TMCC1: variants seen among roughly 807,000 people sequenced by gnomAD.
TMCC1 encodes transmembrane and coiled-coil domain family 1, also known as transmembrane and coiled-coil domains protein 1.
Under a neutral mutation model 52.4 loss-of-function variants are expected in TMCC1, and 15 were observed. The observed-to-expected ratio is 0.29, with a 90% confidence interval of 0.19 to 0.44. TMCC1 has a LOEUF of 0.44. Ranked by LOEUF, TMCC1 falls within the 20% of genes least tolerant of loss-of-function variation. The pLI, the probability that TMCC1 is intolerant of heterozygous loss-of-function variation, is 1.00. For missense variants in TMCC1, 503 were observed against 806.0 expected (o/e 0.62, Z 4.55); for synonymous variants, 279 against 301.9 (o/e 0.92, Z 0.79).
intron 4 of TMCC1, among the ~76,000 whole-genome samples, chr3:129,692,857 A>T (rs557397934): frequency 1.0e-3 from 157 of 152,220 alleles, no homozygotes; most frequent in African/African-American, 3.4e-3. Context: ...TTATTTATTT[A>T]TTTAAGATGG....
At chr3:129,847,299 CAG>C (rs2059710119) in intron 2 of TMCC1, 1 of 152,102 alleles carries the variant, frequency 6.6e-6, no homozygotes, top group Non-Finnish European at 1.5e-5. Context: ...GATAATAATT[CAG>C]AGATTTGTTT....
At chr3:129,817,885 T>C (rs2058183457) in intron 4 of TMCC1, among the ~76,000 whole-genome samples, 1 of 152,124 alleles carries the variant, frequency 6.6e-6, no homozygotes, top group Non-Finnish European at 1.5e-5. Flanking sequence ...CGATCTCAGC[T>C]CACTGCAACC....
intron 2 of TMCC1, among the ~76,000 whole-genome samples, chr3:129,842,225 G>C (rs1467985824): frequency 6.6e-6 from 1 of 152,148 alleles, no homozygotes; most frequent in Admixed American, 6.5e-5. Context: ...CAGCACTTTA[G>C]GAGGCTGGGG....
At chr3:129,842,477 A>ACACACACACACACAC (rs1560529071) in intron 2 of TMCC1, among the ~76,000 whole-genome samples, 3 of 147,746 alleles carry the variant, frequency 2.0e-5, no homozygotes, top group African/African-American at 7.4e-5. Flanking sequence ...AAAAAAACAA[A>ACACACACACACACAC]ACACACACAC....
intron 4 of TMCC1, among the ~76,000 whole-genome samples, chr3:129,821,240 G>A (rs2058404828): frequency 6.6e-6 from 1 of 151,660 alleles, no homozygotes; most frequent in African/African-American, 2.4e-5. Context: ...ATGTAGATGT[G>A]TACATGTGCA....
chr3:129,744,367 G>T (rs2051735927), intron 4 of TMCC1, among the ~76,000 whole-genome samples: 1 of 152,052 alleles, frequency 6.6e-6, no homozygotes, highest in Non-Finnish European at 1.5e-5. Flanking sequence ...TGCCCAGGCT[G>T]GTCTTGAACT....
chr3:129,676,246 G>C (rs943174899), intron 4 of TMCC1, among the ~76,000 whole-genome samples: 36 of 151,920 alleles, frequency 2.4e-4, no homozygotes, highest in African/African-American at 8.5e-4. Context: ...AGCAAATACT[G>C]CCCATTCACA....
chr3:129,667,798 A>G (rs2087587518), intron 5 of TMCC1, among the ~76,000 whole-genome samples: 1 of 152,182 alleles, frequency 6.6e-6, no homozygotes, highest in African/African-American at 2.4e-5. Context: ...ATTTTCTCAT[A>G]TCTTGACTTT....
At position 129,651,297 on chromosome 3, in the gene TMCC1, G is replaced by T; in HGVS notation, c.*184C>A. 2.9e-6 allele frequency: 2 copies of T among 693,922 alleles called. No individual in the cohort carries two copies. Among genetic ancestry groups the T allele is most frequent in the Non-Finnish European group, 4.5e-6 (2 of 442,488 alleles). 43.0% of individuals were successfully genotyped at this position (693,922 alleles called of 1,614,324 possible). A position where few individuals can be genotyped will look rare whatever the true frequency, so the allele number is the denominator to read the frequency against. ...AAGATTTTCGCCCAAAAAACTTCTT[G>T]GATAAAATCTAAAAAATACTATTGC... is the stretch of plus-strand genomic sequence containing the variant. On this transcript the variant is annotated 3_prime_UTR_variant, in exon 7 of 7. Transcript: ENST00000393238. The surrounding 1 kb of genome is among the most constrained non-coding windows in gnomAD (Gnocchi z 5.1).
intron 2 of TMCC1, among the ~76,000 whole-genome samples, chr3:129,842,035 A>G (rs905917875): frequency 2.6e-5 from 4 of 152,238 alleles, no homozygotes; most frequent in Admixed American, 6.5e-5. Flanking sequence ...AGACATAACA[A>G]TTCTAAATGT....
chr3:129,670,311 T>G lies in TMCC1; in HGVS notation c.1511+19A>C. On this transcript the variant is annotated intron_variant, in intron 5 of 6. Coordinates refer to ENST00000393238, the MANE Select transcript of TMCC1 (RefSeq NM_001017395.5). ...AACCCTACACAAATAATTTCAGATA[T>G]TAATTCCATGTGACTTACCTATATC... 6.2e-7 allele frequency: 1 copy of G among 1,600,452 alleles called. No homozygotes were observed. Among genetic ancestry groups the G allele is most frequent in the Non-Finnish European group, 8.5e-7 (1 of 1,173,146 alleles).
chr3:129,822,604 C>T (rs1162937073), intron 4 of TMCC1, among the ~76,000 whole-genome samples: 4 of 152,128 alleles, frequency 2.6e-5, no homozygotes, highest in African/African-American at 9.7e-5. Flanking sequence ...CTTGAAAGAA[C>T]TGGTGTTCTT....
chr3:129,833,293 C>T (rs2059004740), intron 2 of TMCC1, among the ~76,000 whole-genome samples: 1 of 152,110 alleles, frequency 6.6e-6, no homozygotes, highest in African/African-American at 2.4e-5. Context: ...AAAATCCTAT[C>T]TTAGGCCAGG....
intron 4 of TMCC1, among the ~76,000 whole-genome samples, chr3:129,720,159 G>A (rs888941190): frequency 1.4e-5 from 2 of 140,994 alleles, no homozygotes; most frequent in Non-Finnish European, 3.0e-5. Context: ...TCTAGCCTGG[G>A]CAACAGAGTA....
Position 129,824,733 on chromosome 3 carries a change from C to T in TMCC1, c.576+3070G>A, listed in dbSNP as rs76613231. Among the ~76,000 whole-genome samples, 426 of 150,490 alleles carry T rather than the reference C, an allele frequency of 2.8e-3. 2 individuals carry two copies. The highest frequency in any genetic ancestry group is 5.0e-3 in the Non-Finnish European group (331 of 66,742). On this transcript the variant is annotated intron_variant, in intron 4 of 6. Transcript: ENST00000393238. The stretch of plus-strand genomic sequence containing the variant: ...TAACTTATGCCCACTGTTCCAGTTC[C>T]GTATTATTAAAGGCCTATAAGACAT...
chr3:129,716,329 A>AT (rs71155569), intron 4 of TMCC1, among the ~76,000 whole-genome samples: 1,836 of 73,620 alleles, frequency 0.025, 86 homozygotes, highest in East Asian at 0.13. Context: ...CACCTGGCAA[A>AT]TTTTTTTTTT....
chr3:129,689,059 CTTAT>C (rs1270569302), intron 4 of TMCC1, among the ~76,000 whole-genome samples: 1 of 152,162 alleles, frequency 6.6e-6, no homozygotes, highest in African/African-American at 2.4e-5. Context: ...TGTTTCTTCT[CTTAT>C]TTTTCATTTT....
chr3:129,769,374 G>C (rs2054366941), intron 4 of TMCC1, among the ~76,000 whole-genome samples: 1 of 151,936 alleles, frequency 6.6e-6, no homozygotes, highest in Non-Finnish European at 1.5e-5. Context: ...GGATTACAGG[G>C]GCACGACACC....
Position 129,852,456 on chromosome 3 carries a change from CAAAAAAA to C in TMCC1, c.-183-19637_-183-19631del, listed in dbSNP as rs1015860543. Among the ~76,000 whole-genome samples the C allele has an allele frequency of 3.5e-4, 14 of 39,838 alleles. No homozygotes were observed. In the East Asian group the frequency reaches 4.2e-3, roughly 12 times the overall value. 26.1% of individuals were successfully genotyped at this position (39,838 alleles called of 152,430 possible). On this transcript the variant is annotated intron_variant, in intron 2 of 6. Coordinates refer to ENST00000393238, the MANE Select transcript of TMCC1 (RefSeq NM_001017395.5). Reference sequence around the variant, plus strand: ...TGGGTGACAGAACGAGACACCGTCTCAAAAAAAAAAAAAAAAAAAAAAAAAGGAAGAA... The same window carrying C: ...TGGGTGACAGAACGAGACACCGTCTCAAAAAAAAAAAAAAAAAAGGAAGAA...
Sources: gnomAD v4.1 joint callset for allele counts (sites outside exome capture counted in the v4.1 genomes callset) on GRCh38, gnomAD v4.1.1 for gene constraint, Gnocchi (gnomAD v3.1) non-coding constraint, MANE v1.5 for transcripts, NCBI Gene and HGNC (gene_info 2026-07-23, HGNC 2026-07-21) for gene names.